SSH2: variants seen among roughly 807,000 people sequenced by gnomAD.
SSH2 encodes the protein slingshot protein phosphatase 2.
Under a neutral mutation model 135.2 loss-of-function variants are expected in SSH2, and 37 were observed. That is an observed-to-expected ratio of 0.27 (90% CI 0.21 to 0.36). The LOEUF is 0.36. SSH2 is among the 10% of genes least tolerant of loss of function. SSH2 has a pLI of 1.00. For synonymous variants in SSH2, 628 were observed against 646.2 expected, an observed-to-expected ratio of 0.97 and a Z score of 0.43; for missense variants, 1,408 against 1,765.3, an observed-to-expected ratio of 0.80 and a Z score of 3.63.
At chr17:29,708,340 C>A (rs1376379344) in intron 3 of SSH2, among the ~76,000 whole-genome samples, 2 of 152,118 alleles carry the variant, frequency 1.3e-5, no homozygotes, top group African/African-American at 4.8e-5. Flanking sequence ...GTAATCCCAA[C>A]ACTTTGGGAG....
intron 2 of SSH2, among the ~76,000 whole-genome samples, chr17:29,797,720 GAC>G (rs1226648881): frequency 6.6e-6 from 1 of 152,046 alleles, no homozygotes; most frequent in East Asian, 1.9e-4. Flanking sequence ...AAAATAGCAA[GAC>G]ACAGTCTCTA....
At chr17:29,897,343 G>A (rs1411177117) in intron 1 of SSH2, among the ~76,000 whole-genome samples, 3 of 152,044 alleles carry the variant, frequency 2.0e-5, no homozygotes, top group Non-Finnish European at 1.5e-5. Context: ...TGGCAAATTG[G>A]ATAAAGAGTC....
At chr17:29,894,713 A>C (rs970774709) in intron 1 of SSH2, among the ~76,000 whole-genome samples, 1 of 151,910 alleles carries the variant, frequency 6.6e-6, no homozygotes, top group Admixed American at 6.6e-5. Flanking sequence ...CACTCCCACC[A>C]CTTAAACTGG....
rs1567867378 is a variant in SSH2 at position 29,676,814 on chromosome 17, T to C, written c.614+6A>G. On this transcript the variant is annotated splice_donor_region_variant and intron_variant, in intron 8 of 15. Transcript: ENST00000540801. Reference sequence around the variant, plus strand: ...ACTTTTGTAGAGATAGTAAAAGTCATCTTACCACATTGCCTGCACAGATAC... The same window carrying C: ...ACTTTTGTAGAGATAGTAAAAGTCACCTTACCACATTGCCTGCACAGATAC... The C allele has an allele frequency of 6.2e-7, 1 of 1,611,148 alleles. No homozygotes were observed. The highest frequency in any genetic ancestry group is 1.1e-5 in the South Asian group (1 of 90,964).
chr17:29,881,030 G>T (rs1402666759), intron 1 of SSH2, among the ~76,000 whole-genome samples: 1 of 152,088 alleles, frequency 6.6e-6, no homozygotes, highest in Non-Finnish European at 1.5e-5. Flanking sequence ...AAACTTAAAT[G>T]AACATATTGA....
At chr17:29,849,234 C>T (rs1449298408) in intron 1 of SSH2, among the ~76,000 whole-genome samples, 1 of 152,092 alleles carries the variant, frequency 6.6e-6, no homozygotes, top group East Asian at 1.9e-4. Context: ...AATCCCAGCA[C>T]TTTGGGAGGC....
intron 1 of SSH2, among the ~76,000 whole-genome samples, chr17:29,873,328 G>A (rs1303237746): frequency 6.6e-6 from 1 of 152,162 alleles, no homozygotes. Flanking sequence ...GGGAGGCTGA[G>A]GCAGTAGATC....
chr17:29,927,200 T>C (rs912438781), intron 1 of SSH2, among the ~76,000 whole-genome samples: 2 of 152,182 alleles, frequency 1.3e-5, no homozygotes, highest in East Asian at 3.8e-4. Context: ...TTAGTGAACT[T>C]ATCTTAATCT....
At chr17:29,874,566 T>C (rs1401147883) in intron 1 of SSH2, among the ~76,000 whole-genome samples, 1 of 152,136 alleles carries the variant, frequency 6.6e-6, no homozygotes, top group African/African-American at 2.4e-5. Flanking sequence ...CCCATTTTGC[T>C]TGGTACTTCT....
rs1282419396 is a variant in SSH2, at chr17:29,626,906, A to G, written c.*3935T>C. 2 of 152,432 alleles carry G rather than the reference A, an allele frequency of 1.3e-5. No individual in the cohort carries two copies. The allele number at this position is 152,432 out of a possible 1,614,324, so 9.4% of individuals were successfully genotyped here. On this transcript the variant is annotated 3_prime_UTR_variant, in exon 16 of 16. Transcript: ENST00000540801. ...AAATTTCATCTTATCCACCATCAAA[A>G]AGCAAAACAAAATTAAACAAAATGA...
intron 3 of SSH2, among the ~76,000 whole-genome samples, chr17:29,766,382 C>T (rs1301382582): frequency 6.6e-6 from 1 of 150,976 alleles, no homozygotes; most frequent in Non-Finnish European, 1.5e-5. Flanking sequence ...CGCTTGAACC[C>T]GGGAGGTGGA....
chr17:29,904,212 G>A (rs1358767231), intron 1 of SSH2, among the ~76,000 whole-genome samples: 3 of 151,900 alleles, frequency 2.0e-5, no homozygotes, highest in South Asian at 2.1e-4. Flanking sequence ...AGAAAAATTC[G>A]GGCCAATATC....
chr17:29,786,432 G>C (rs1488486415), intron 3 of SSH2, among the ~76,000 whole-genome samples: 2 of 152,122 alleles, frequency 1.3e-5, no homozygotes, highest in Non-Finnish European at 2.9e-5. Context: ...GAAAGTCCCT[G>C]TTCCCCCTTT....
chr17:29,778,298 A>T (rs2041754484), intron 3 of SSH2, among the ~76,000 whole-genome samples: 1 of 152,174 alleles, frequency 6.6e-6, no homozygotes, highest in Non-Finnish European at 1.5e-5. Context: ...GGAAAGTATC[A>T]TGCTCTCTTT....
Position 29,637,252 on chromosome 17 carries a change from C to A in SSH2, c.1428-450G>T, listed in dbSNP as rs1041043983. Among the ~76,000 whole-genome samples, 3 of 152,126 alleles carry A rather than the reference C, an allele frequency of 2.0e-5. No homozygotes were observed. In the East Asian group the frequency reaches 5.8e-4, roughly 29 times the overall value. On this transcript the variant is annotated intron_variant, in intron 14 of 15. Transcript: ENST00000540801. The stretch of plus-strand genomic sequence containing the variant: ...TAGCTGGGATTACAGGAACATGCCA[C>A]CATGCCTGGCTAATTTTTGTATTTT...
At chr17:29,701,567 A>G (rs752476782) in intron 4 of SSH2, among the ~76,000 whole-genome samples, 4 of 151,110 alleles carry the variant, frequency 2.6e-5, no homozygotes, top group Admixed American at 6.6e-5. Context: ...ACACCACCAC[A>G]CGTCACTAAT....
intron 1 of SSH2, among the ~76,000 whole-genome samples, chr17:29,849,671 C>A (rs1380679755): frequency 6.6e-6 from 1 of 150,804 alleles, no homozygotes; most frequent in Non-Finnish European, 1.5e-5. Context: ...CTTAGCCTAG[C>A]CTCATTAGCT....
In SSH2 at chr17:29,636,559, C is replaced by T. The variant is rs1369366056; in HGVS notation, c.1671G>A (p.Leu557=). Residue 557 remains leucine, a synonymous_variant, in exon 15 of 16, where the codon TTG becomes TTA. Coordinates refer to ENST00000540801, the MANE Select transcript of SSH2 (RefSeq NM_001282129.2). Reference sequence around the variant, plus strand: ...CATGAAATTCCCTAGAAGTAAACTCCAAGCAGATCATTCTTTCTTTGGTAC... The same window carrying T: ...CATGAAATTCCCTAGAAGTAAACTCTAAGCAGATCATTCTTTCTTTGGTAC... The part of the protein sequence containing the change: ...GLCTKERMIC[L]EFTSREFHAG... 2 of 1,613,996 alleles carry T rather than the reference C, an allele frequency of 1.2e-6. No homozygotes were observed. The highest frequency in any genetic ancestry group is 2.2e-5 in the East Asian group (1 of 44,888).
At chr17:29,633,865 T>TA (rs1332638970) in intron 15 of SSH2, among the ~76,000 whole-genome samples, 1 of 152,228 alleles carries the variant, frequency 6.6e-6, no homozygotes, top group Non-Finnish European at 1.5e-5. Flanking sequence ...TCAAAGTATA[T>TA]TTCCCTGGAA....
Sources: allele counts gnomAD v4.1 joint callset (sites outside exome capture counted in the v4.1 genomes callset), GRCh38; gene constraint gnomAD v4.1.1; transcripts MANE v1.5; gene names NCBI Gene and HGNC (gene_info 2026-07-23, HGNC 2026-07-21).